The following SERPINI1 variants were observed in gnomAD, a reference collection of about 807,000 sequenced individuals.
The protein encoded by SERPINI1 is serpin family I member 1.
A neutral mutation model predicts 41.1 loss-of-function variants in SERPINI1; 19 were observed. That is an observed-to-expected ratio of 0.46 (90% confidence interval 0.32 to 0.68). SERPINI1 has a LOEUF of 0.68. Ranked by LOEUF, SERPINI1 falls within the 30% of genes least tolerant of loss-of-function variation. The pLI is 0.03. For missense variants in SERPINI1, 460 were observed against 479.2 expected (o/e 0.96, Z 0.37); for synonymous variants, 138 against 156.6 (o/e 0.88, Z 0.89).
At chr3:167,752,329 A>C (rs751212639) in intron 1 of SERPINI1, among the ~76,000 whole-genome samples, 9 of 152,246 alleles carry the variant, frequency 5.9e-5, no homozygotes, top group Admixed American at 3.3e-4. Context: ...TTACCTATCC[A>C]AAGCAAAATT....
chr3:167,738,305 T>G (rs780537266), intron 1 of SERPINI1, among the ~76,000 whole-genome samples: 7 of 152,158 alleles, frequency 4.6e-5, no homozygotes, highest in Non-Finnish European at 8.8e-5. Context: ...CCAAAAACCT[T>G]GGTTAATTTC....
At chr3:167,778,052 C>T (rs373569365) in intron 1 of SERPINI1, among the ~76,000 whole-genome samples, 41 of 152,280 alleles carry the variant, frequency 2.7e-4, no homozygotes, top group Middle Eastern at 3.4e-3. Context: ...CTTGGACTTC[C>T]CAGCATTCAG....
At chr3:167,788,769 T>A (rs1194116727) in intron 1 of SERPINI1, among the ~76,000 whole-genome samples, 1 of 152,248 alleles carries the variant, frequency 6.6e-6, no homozygotes, top group Non-Finnish European at 1.5e-5. Flanking sequence ...TTGGTTTTCA[T>A]TATACTTGTC....
chr3:167,774,006 C>A (rs900124785), intron 1 of SERPINI1, among the ~76,000 whole-genome samples: 1 of 152,008 alleles, frequency 6.6e-6, no homozygotes, highest in Non-Finnish European at 1.5e-5. Flanking sequence ...TTAGAGATTT[C>A]TTCTGTCAAT....
intron 1 of SERPINI1, among the ~76,000 whole-genome samples, chr3:167,764,728 C>T (rs1234313823): frequency 2.0e-5 from 3 of 152,206 alleles, no homozygotes; most frequent in Non-Finnish European, 2.9e-5. Flanking sequence ...TGAGACAAGG[C>T]AAGTCCCTTC....
intron 1 of SERPINI1, among the ~76,000 whole-genome samples, chr3:167,762,688 T>C (rs1726426897): frequency 6.6e-6 from 1 of 152,170 alleles, no homozygotes; most frequent in Non-Finnish European, 1.5e-5. Flanking sequence ...AAATCACCTA[T>C]TCAGTGAAGC....
At chr3:167,782,693 G>A (rs552674437) in intron 1 of SERPINI1, among the ~76,000 whole-genome samples, 3 of 152,302 alleles carry the variant, frequency 2.0e-5, no homozygotes, top group Admixed American at 6.5e-5. Flanking sequence ...GAGAGGTAGA[G>A]ATAAAAATTT....
intron 1 of SERPINI1, among the ~76,000 whole-genome samples, chr3:167,786,614 C>A (rs1037655569): frequency 6.6e-6 from 1 of 151,438 alleles, no homozygotes; most frequent in Admixed American, 6.6e-5. Context: ...CTGGGTAAAT[C>A]GGTGAATGAG....
chr3:167,764,528 C>T (rs1201358341), intron 1 of SERPINI1, among the ~76,000 whole-genome samples: 1 of 152,130 alleles, frequency 6.6e-6, no homozygotes, highest in Non-Finnish European at 1.5e-5. Context: ...CTACTGGGTC[C>T]CTCCCACAAC....
At chr3:167,742,814 C>CG (rs1270217176) in intron 1 of SERPINI1, among the ~76,000 whole-genome samples, 1 of 139,234 alleles carries the variant, frequency 7.2e-6, no homozygotes, top group East Asian at 2.1e-4. Context: ...AATTTTGTGC[C>CG]GTTTTGTGTG....
chr3:167,811,009 C>T (rs1367858467), intron 6 of SERPINI1, among the ~76,000 whole-genome samples: 2 of 152,058 alleles, frequency 1.3e-5, no homozygotes, highest in Non-Finnish European at 2.9e-5. Context: ...GCAATCTAGT[C>T]ACATTTTCAG....
At chr3:167,749,319 A>T (rs538563945) in intron 1 of SERPINI1, among the ~76,000 whole-genome samples, 1 of 151,000 alleles carries the variant, frequency 6.6e-6, no homozygotes, top group East Asian at 1.9e-4. Flanking sequence ...ACTCCTTCTC[A>T]ACATCCACAA....
intron 3 of SERPINI1, among the ~76,000 whole-genome samples, chr3:167,792,255 C>T (rs1451137097): frequency 6.6e-6 from 1 of 152,004 alleles, no homozygotes; most frequent in Non-Finnish European, 1.5e-5. Flanking sequence ...GTATGTGGTT[C>T]TGTAGTTTGT....
chr3:167,763,406 A>T (rs920242550), intron 1 of SERPINI1, among the ~76,000 whole-genome samples: 1 of 141,818 alleles, frequency 7.1e-6, no homozygotes, highest in Admixed American at 6.8e-5. Context: ...TTGAGACAGG[A>T]TCTTACTCTG....
intron 1 of SERPINI1, among the ~76,000 whole-genome samples, chr3:167,779,451 T>G (rs1047106984): frequency 7.9e-5 from 12 of 152,328 alleles, no homozygotes; most frequent in Non-Finnish European, 1.0e-4. Flanking sequence ...CAATAATCAA[T>G]TGCATTCCAC....
At chr3:167,740,020 CT>C (rs141718664) in intron 1 of SERPINI1, among the ~76,000 whole-genome samples, 31 of 140,028 alleles carry the variant, frequency 2.2e-4, no homozygotes, top group Admixed American at 4.3e-4. Flanking sequence ...CTGCCTTTTT[CT>C]TTTTTTTTTT....
intron 1 of SERPINI1, among the ~76,000 whole-genome samples, chr3:167,756,465 G>T (rs1726196209): frequency 1.3e-5 from 2 of 151,598 alleles, no homozygotes; most frequent in African/African-American, 4.8e-5. Flanking sequence ...ATTCATCTTT[G>T]TTTTTGTTTT....
intron 1 of SERPINI1, among the ~76,000 whole-genome samples, chr3:167,754,097 G>C (rs1417584833): frequency 6.6e-6 from 1 of 152,214 alleles, no homozygotes; most frequent in Non-Finnish European, 1.5e-5. Flanking sequence ...AAGAGATGCA[G>C]TTATGCCACA....
chr3:167,755,039 CA>C (rs535957717), intron 1 of SERPINI1, among the ~76,000 whole-genome samples: 45 of 152,276 alleles, frequency 3.0e-4, no homozygotes, highest in African/African-American at 9.9e-4. Flanking sequence ...GCTGTCTGAT[CA>C]AAACATTCAT....
Sources: allele counts gnomAD v4.1 joint callset (sites outside exome capture counted in the v4.1 genomes callset), GRCh38; gene constraint gnomAD v4.1.1; transcripts MANE v1.5; gene names NCBI Gene and HGNC (gene_info 2026-07-23, HGNC 2026-07-21).